FPR1: variants seen among roughly 807,000 people sequenced by gnomAD.
The protein encoded by FPR1 is N-formyl peptide receptor 1.
For missense variants in FPR1, 407 were observed against 453.0 expected (o/e 0.90, Z 0.92); for synonymous variants, 193 against 176.7 (o/e 1.09, Z -0.73).
intron 1 of FPR1, among the ~76,000 whole-genome samples, chr19:51,748,470 T>C (rs1351362093): frequency 6.6e-6 from 1 of 152,264 alleles, no homozygotes; most frequent in African/African-American, 2.4e-5. Flanking sequence ...AACTTTTTTA[T>C]TGTTGTTTGA....
chr19:51,750,614 C>G (rs539669721), intron 1 of FPR1: 22 of 152,268 alleles, frequency 1.4e-4, no homozygotes, highest in African/African-American at 4.8e-4. Context: ...AAGATTGTTG[C>G]AATGAATGAT....
chr19:51,747,117 C>T (rs1160503567), intron 1 of FPR1, 112 bp from the exon 2 acceptor site: 1 of 733,984 alleles, frequency 1.4e-6, no homozygotes, highest in Admixed American at 2.7e-5. Flanking sequence ...TCACCTTCCC[C>T]TAGAGCTCCC....
In FPR1 at chr19:51,746,093, T is replaced by C; in HGVS notation, c.902A>G (p.Tyr301Cys). 1.2e-6 allele frequency: 2 copies of C among 1,614,130 alleles called. No homozygotes were observed. Among genetic ancestry groups the C allele is most frequent in the Non-Finnish European group, 1.7e-6 (2 of 1,180,028 alleles). ...CCGGAAGTCCTGGCCCATGAAGACA[T>C]AGAGCATGGGGTTGAGGCAGCTGTT... ...FFNSCLNPML[Y>C]VFMGQDFRER... is the part of the protein sequence containing the mutation. Residue 301 changes from tyrosine to cysteine, a missense_variant, in exon 2 of 2, where the codon TAT (tyrosine) becomes TGT (cysteine). Tyr to Cys is a radical substitution (Grantham distance 194). Coordinates refer to ENST00000304748, the MANE Select transcript of FPR1 (RefSeq NM_002029.4). This position sits in a 1 kb window ranked among gnomAD's most constrained non-coding sequence, Gnocchi z 4.3.
rs55849683 is a variant in FPR1 at position 51,747,221 on chromosome 19, C to CTTTTTT, written c.-11-222_-11-217dup. ...TTGTACCTGTTGGGCAAGATTACAT[C>CTTTTTT]TTTTTTTTTTTTTTTGAGATGGAAT... On this transcript the variant is annotated intron_variant, in intron 1 of 1. Transcript: ENST00000304748. Among the ~76,000 whole-genome samples the CTTTTTT allele has an allele frequency of 8.4e-3, 1,187 of 141,474 alleles. 21 individuals carry two copies. Among genetic ancestry groups the CTTTTTT allele is most frequent in the African/African-American group, 0.03 (1,119 of 37,236 alleles). The allele number at this position is 141,474 out of a possible 152,430, so 92.8% of individuals were successfully genotyped here.
intron 1 of FPR1, among the ~76,000 whole-genome samples, chr19:51,748,852 G>A (rs972323435): frequency 6.6e-6 from 1 of 152,224 alleles, no homozygotes; most frequent in Non-Finnish European, 1.5e-5. Flanking sequence ...GACAGCTTCA[G>A]TGACCTAGTG....
At chr19:51,751,003 C>T (rs967858261) in intron 1 of FPR1, among the ~76,000 whole-genome samples, 1 of 152,142 alleles carries the variant, frequency 6.6e-6, no homozygotes, top group African/African-American at 2.4e-5. Flanking sequence ...AAGGTGACTG[C>T]TTCTGTATTA....
Position 51,746,098 on chromosome 19 carries a change from C to T in FPR1, c.897G>A (p.Met299Ile), listed in dbSNP as rs529498075. 10 of 1,614,190 alleles carry T rather than the reference C, an allele frequency of 6.2e-6. No homozygotes were observed. Among genetic ancestry groups the T allele is most frequent in the Non-Finnish European group, 8.5e-6 (10 of 1,180,052 alleles). The change falls in exon 2 of 2, where the codon ATG becomes ATA. Residue 299 changes from methionine to isoleucine, a missense_variant. By Grantham distance (10) the Met-to-Ile change is conservative. Transcript: ENST00000304748. The surrounding 1 kb of genome is among the most constrained non-coding windows in gnomAD (Gnocchi z 4.3). Reference sequence around the variant, plus strand: ...AGTCCTGGCCCATGAAGACATAGAGCATGGGGTTGAGGCAGCTGTTGAAGA... The same window carrying T: ...AGTCCTGGCCCATGAAGACATAGAGTATGGGGTTGAGGCAGCTGTTGAAGA... Reference protein sequence around the residue: ...LAFFNSCLNPMLYVFMGQDFR... With the variant: ...LAFFNSCLNPILYVFMGQDFR...
At chr19:51,749,517 A>G (rs943650365) in intron 1 of FPR1, among the ~76,000 whole-genome samples, 23 of 152,110 alleles carry the variant, frequency 1.5e-4, no homozygotes, top group Non-Finnish European at 3.4e-4. Context: ...TGGGCTCAGC[A>G]CTCTTGGGGA....
In FPR1 at chr19:51,746,653, G is replaced by A; in HGVS notation, c.342C>T (p.Phe114=). Residue 114 remains phenylalanine (F), a synonymous_variant, in exon 2 of 2, where the codon TTC becomes TTT. Coordinates refer to ENST00000304748, the MANE Select transcript of FPR1 (RefSeq NM_002029.4). The surrounding 1 kb of genome is among the most constrained non-coding windows in gnomAD (Gnocchi z 4.3). ...GGTCCAGAGCAATGAGGGCGATCAG[G>A]AAGACACTTCCGAACAAGTTGATGT... ...IVDINLFGSV[F]LIALIALDRC... The A allele has an allele frequency of 6.2e-7, 1 of 1,614,212 alleles. No homozygotes were observed. The highest frequency in any genetic ancestry group is 1.3e-5 in the African/African-American group (1 of 75,044).
At position 51,747,048 on chromosome 19, in the gene FPR1, C is replaced by T. The variant is rs1318291404; in HGVS notation, c.-11-43G>A. The stretch of plus-strand genomic sequence containing the variant: ...TGGTCATTCCTCAGTTATGAACCTC[C>T]GTACCATTTCCCCACCCCCTCATTT... On this transcript the variant is annotated intron_variant, in intron 1 of 1. Coordinates refer to ENST00000304748, the MANE Select transcript of FPR1 (RefSeq NM_002029.4). 36 of 1,377,530 alleles carry T rather than the reference C, an allele frequency of 2.6e-5. No homozygotes were observed. In the East Asian group the frequency reaches 3.7e-4, roughly 14 times the overall value. 85.3% of individuals were successfully genotyped at this position (1,377,530 alleles called of 1,614,324 possible).
At chr19:51,748,949 GC>G (rs1164689030) in intron 1 of FPR1, among the ~76,000 whole-genome samples, 2 of 152,008 alleles carry the variant, frequency 1.3e-5, no homozygotes, top group Non-Finnish European at 2.9e-5. Flanking sequence ...AGGCGCAGTG[GC>G]TCACGCCTGT....
chr19:51,751,359 T>G (rs947424834), intron 1 of FPR1, among the ~76,000 whole-genome samples: 1 of 152,060 alleles, frequency 6.6e-6, no homozygotes, highest in African/African-American at 2.4e-5. Flanking sequence ...CCCAATAAAG[T>G]CTAGAGCCTA....
intron 1 of FPR1, among the ~76,000 whole-genome samples, chr19:51,748,511 A>C (rs1019971397): frequency 6.6e-6 from 1 of 152,242 alleles, no homozygotes; most frequent in African/African-American, 2.4e-5. Context: ...CCCAGGCTGG[A>C]GTGCAGTGGT....
intron 1 of FPR1, among the ~76,000 whole-genome samples, chr19:51,749,246 C>T (rs1599808712): frequency 6.6e-6 from 1 of 152,168 alleles, no homozygotes; most frequent in African/African-American, 2.4e-5. Context: ...AACTTCTCCA[C>T]TCCAAATTCT....
chr19:51,747,275 G>A (rs2083754603), intron 1 of FPR1, among the ~76,000 whole-genome samples: 1 of 150,266 alleles, frequency 6.7e-6, no homozygotes, highest in African/African-American at 2.5e-5. Flanking sequence ...CTGGAGTGCA[G>A]TGGCGTGATC....
downstream of FPR1, chr19:51,745,618 G>A (rs1424328063): frequency 1.6e-5 from 4 of 256,404 alleles, no homozygotes; most frequent in Admixed American, 1.5e-4. Flanking sequence ...CCAGAATGAT[G>A]GGTATCATTC....
rs568213502 is a variant in FPR1 at position 51,748,318 on chromosome 19, A to C, written c.-11-1313T>G. ...ATTAGTGATTGCCAGGGACTGGGGA[A>C]ACTAGGAAGTGGGGAATTGTTGCTT... On this transcript the variant is annotated intron_variant, in intron 1 of 1. Transcript: ENST00000304748. 2.4e-4 allele frequency among the ~76,000 whole-genome samples: 37 copies of C among 152,348 alleles called. No individual in the cohort carries two copies. The South Asian group carries it at 2.9e-3, about 12-fold the overall frequency.
In FPR1 at chr19:51,746,813, G is replaced by A. The variant is rs1299580019; in HGVS notation, c.182C>T (p.Thr61Ile). 6.2e-7 allele frequency: 1 copy of A among 1,614,160 alleles called. No individual in the cohort carries two copies. The highest frequency in any genetic ancestry group is 1.1e-5 in the South Asian group (1 of 91,082). ...AGFRMTHTVT[T>I]ISYLNLAVAD... ...CACGGCCAGGTTCAGGTAACTGATG[G>A]TGGTGACTGTGTGTGTCATCCGGAA... Residue 61 changes from threonine (T) to isoleucine (I), a missense_variant, in exon 2 of 2, where the codon ACC becomes ATC. Physicochemically the swap from Thr to Ile is moderately conservative, Grantham distance 89. Transcript: ENST00000304748. This position sits in a 1 kb window ranked among gnomAD's most constrained non-coding sequence, Gnocchi z 4.3.
At chr19:51,750,914 G>A (rs1417690128) in intron 1 of FPR1, 1 of 152,208 alleles carries the variant, frequency 6.6e-6, no homozygotes, top group African/African-American at 2.4e-5. Context: ...TCATGAGAGG[G>A]CAGGGCTGTA....
Sources: gnomAD v4.1 joint callset for allele counts (sites outside exome capture counted in the v4.1 genomes callset) on GRCh38, gnomAD v4.1.1 for gene constraint, Gnocchi (gnomAD v3.1) non-coding constraint, MANE v1.5 for transcripts, NCBI Gene and HGNC (gene_info 2026-07-23, HGNC 2026-07-21) for gene names.